EPHA6: variants seen among roughly 807,000 people sequenced by gnomAD.
EPHA6 encodes the protein ephrin type-A receptor 6.
EPHA6 carries 50 observed loss-of-function variants against 112.0 expected under a neutral mutation model. That is an observed-to-expected ratio of 0.45 (90% CI 0.36 to 0.56). The LOEUF (loss-of-function observed/expected upper bound fraction) is 0.56. Ranked by LOEUF, EPHA6 falls within the 20% of genes least tolerant of loss-of-function variation. EPHA6 has a pLI of 0.00. For missense variants in EPHA6, 1,280 were observed against 1,417.4 expected (o/e 0.90, Z 1.56); for synonymous variants, 529 against 490.7 (o/e 1.08, Z -1.03).
chr3:97,375,077 T>C (rs2108996590), intron 5 of EPHA6, among the ~76,000 whole-genome samples: 1 of 152,248 alleles, frequency 6.6e-6, no homozygotes, highest in East Asian at 1.9e-4. Flanking sequence ...TAGTCACTAT[T>C]TTTTCCTATT....
At chr3:97,521,060 A>G (rs2092534523) in intron 10 of EPHA6, among the ~76,000 whole-genome samples, 1 of 151,368 alleles carries the variant, frequency 6.6e-6, no homozygotes, top group African/African-American at 2.4e-5. Flanking sequence ...TTCTTTTTTT[A>G]TAATATCTAT....
chr3:96,942,187 T>C (rs555825418), intron 2 of EPHA6, among the ~76,000 whole-genome samples: 3 of 152,186 alleles, frequency 2.0e-5, no homozygotes, highest in African/African-American at 7.2e-5. Flanking sequence ...GCTGTCTTTT[T>C]GTTTGTCTGT....
intron 3 of EPHA6, among the ~76,000 whole-genome samples, chr3:97,221,835 C>A (rs2078211425): frequency 6.6e-6 from 1 of 152,020 alleles, no homozygotes; most frequent in Non-Finnish European, 1.5e-5. Flanking sequence ...AGTTCAAGAC[C>A]AGCCTGCCAA....
At chr3:97,190,080 G>T (rs957307547) in intron 3 of EPHA6, among the ~76,000 whole-genome samples, 2 of 152,022 alleles carry the variant, frequency 1.3e-5, no homozygotes, top group Non-Finnish European at 2.9e-5. Flanking sequence ...GATACAGTAG[G>T]CAGGGTCAGT....
chr3:97,598,117 T>C (rs888815682), intron 12 of EPHA6, among the ~76,000 whole-genome samples: 1 of 152,092 alleles, frequency 6.6e-6, no homozygotes, highest in African/African-American at 2.4e-5. Flanking sequence ...TTTAAAAAGT[T>C]AGTACCCATT....
intron 14 of EPHA6, among the ~76,000 whole-genome samples, chr3:97,688,259 GT>G (rs2032398014): frequency 6.6e-6 from 1 of 152,134 alleles, no homozygotes; most frequent in African/African-American, 2.4e-5. Flanking sequence ...TATTTGGTAT[GT>G]AATTTTCTAC....
At chr3:97,096,895 A>G (rs1288629243) in intron 3 of EPHA6, among the ~76,000 whole-genome samples, 2 of 151,806 alleles carry the variant, frequency 1.3e-5, no homozygotes, top group Non-Finnish European at 2.9e-5. Flanking sequence ...CTGTTAAAAA[A>G]CTTTCTAAAT....
intron 5 of EPHA6, among the ~76,000 whole-genome samples, chr3:97,357,613 A>G (rs758882937): frequency 5.3e-5 from 8 of 152,128 alleles, no homozygotes; most frequent in Admixed American, 3.9e-4. Context: ...TTTTTAGTTG[A>G]CCCTTGAACA....
intron 3 of EPHA6, among the ~76,000 whole-genome samples, chr3:97,031,362 A>G (rs1377544036): frequency 1.3e-5 from 2 of 152,086 alleles, no homozygotes; most frequent in Non-Finnish European, 2.9e-5. Context: ...AACCTAGGCA[A>G]TACCATTCAG....
At chr3:97,261,379 T>C (rs187506477) in intron 5 of EPHA6, among the ~76,000 whole-genome samples, 1 of 152,268 alleles carries the variant, frequency 6.6e-6, no homozygotes, top group South Asian at 2.1e-4. Context: ...GAGCAGATAT[T>C]AGAATGCCTG....
intron 3 of EPHA6, among the ~76,000 whole-genome samples, chr3:97,089,068 G>A (rs2108223897): frequency 6.6e-6 from 1 of 152,226 alleles, no homozygotes; most frequent in Non-Finnish European, 1.5e-5. Context: ...TCTTAAAGAG[G>A]ATAGGACAGA....
chr3:97,384,124 T>C, intron 5 of EPHA6, among the ~76,000 whole-genome samples: 1 of 152,220 alleles, frequency 6.6e-6, no homozygotes, highest in Non-Finnish European at 1.5e-5. Context: ...ACTATTATAA[T>C]GTTTATTCAA....
intron 11 of EPHA6, among the ~76,000 whole-genome samples, chr3:97,556,048 C>T (rs1337245221): frequency 1.3e-5 from 2 of 151,940 alleles, no homozygotes; most frequent in Non-Finnish European, 2.9e-5. Flanking sequence ...CCTAATCACC[C>T]CAGGTATAGG....
intron 14 of EPHA6, among the ~76,000 whole-genome samples, chr3:97,677,721 TA>T (rs34686159): frequency 0.26 from 23,722 of 92,820 alleles, 2,573 homozygotes; most frequent in Middle Eastern, 0.32. Flanking sequence ...AACTCCATCT[TA>T]AAAAAAAAAA....
Position 97,260,558 on chromosome 3 carries a change from A to C in EPHA6, c.1606+16271A>C, listed in dbSNP as rs2079468066. Among the ~76,000 whole-genome samples the C allele has an allele frequency of 2.0e-5, 3 of 152,342 alleles. 1 individual carries two copies. The East Asian group carries it at 5.8e-4, about 29-fold the overall frequency. ...AAAGATGAGATTTCCCAGTAGGTTA[A>C]GTTTGCTTTTGGGGATTGTTCTTTT... On this transcript the variant is annotated intron_variant, in intron 5 of 17. Transcript: ENST00000389672.
chr3:97,430,778 AAT>A, intron 6 of EPHA6, among the ~76,000 whole-genome samples: 1 of 152,110 alleles, frequency 6.6e-6, no homozygotes, highest in East Asian at 1.9e-4. Context: ...ATGCTTTCAA[AAT>A]GTCCTTTCTC....
intron 2 of EPHA6, among the ~76,000 whole-genome samples, chr3:96,881,995 G>T (rs2037342260): frequency 6.6e-6 from 1 of 152,160 alleles, no homozygotes; most frequent in Non-Finnish European, 1.5e-5. Flanking sequence ...GGCTTTGCGG[G>T]GTACAGCCTC....
chr3:97,129,770 T>C lies in EPHA6; in HGVS notation c.1115-96494T>C, dbSNP rs1488481709. Among the ~76,000 whole-genome samples, 4 of 152,124 alleles carry C rather than the reference T, an allele frequency of 2.6e-5. No homozygotes were observed. In the East Asian group the frequency reaches 7.8e-4, roughly 30 times the overall value. On this transcript the variant is annotated intron_variant, in intron 3 of 17. Transcript: ENST00000389672. ...GGTTGGGGAGTTGGTACATGTAAAA[T>C]TGCTGATCAAGTAGAGTAATTCTTG...
intron 7 of EPHA6, chr3:97,466,480 C>T (rs367672757): frequency 1.4e-6 from 2 of 1,385,502 alleles, no homozygotes; most frequent in African/African-American, 2.9e-5. Context: ...TTTATTGCCT[C>T]AGGTAACTGA....
Sources: gnomAD v4.1 joint callset for allele counts (sites outside exome capture counted in the v4.1 genomes callset) on GRCh38, gnomAD v4.1.1 for gene constraint, MANE v1.5 for transcripts, NCBI Gene and HGNC (gene_info 2026-07-23, HGNC 2026-07-21) for gene names.